The following FRAS1 variants were observed in gnomAD, a reference collection of about 807,000 sequenced individuals.
The protein encoded by FRAS1 is extracellular matrix organizing protein FRAS1.
FRAS1 carries 290 observed loss-of-function variants against 435.2 expected under a neutral mutation model. That is an observed-to-expected ratio of 0.67 (90% CI 0.61 to 0.73). FRAS1 has a LOEUF of 0.73. Ranked by LOEUF, FRAS1 falls within the 30% of genes least tolerant of loss-of-function variation. The pLI is 0.00. For synonymous variants in FRAS1, 1,800 were observed against 1,851.0 expected, an observed-to-expected ratio of 0.97 and a Z score of 0.71; for missense variants, 4,860 against 5,001.5, an observed-to-expected ratio of 0.97 and a Z score of 0.85.
In FRAS1 at chr4:78,273,348, A is replaced by G. The variant is rs555452119; in HGVS notation, c.982-5307A>G. ...TGCCCTGGTCAGAACTTCCAACACT[A>G]TGTTGAATAGGAGTGGTGAGAGAGG... is the stretch of plus-strand genomic sequence containing the variant. On this transcript the variant is annotated intron_variant, in intron 9 of 73. Transcript: ENST00000512123. 2.6e-5 allele frequency among the ~76,000 whole-genome samples: 4 copies of G among 152,242 alleles called. No individual in the cohort carries two copies. The East Asian group carries it at 7.7e-4, about 29-fold the overall frequency.
intron 2 of FRAS1, among the ~76,000 whole-genome samples, chr4:78,177,463 G>A (rs1721823970): frequency 6.6e-6 from 1 of 152,192 alleles, no homozygotes; most frequent in African/African-American, 2.4e-5. Flanking sequence ...GCTGAGACAA[G>A]TGGTTGGGGA....
At position 78,147,916 on chromosome 4, in the gene FRAS1, T is replaced by C. The variant is rs564731046; in HGVS notation, c.108+81900T>C. ...TGTGATGCTTTCTGGGTTGTGAGTT[T>C]CTGGAAAACTTAAATCAAATTGCTT... is the stretch of plus-strand genomic sequence containing the variant. On this transcript the variant is annotated intron_variant, in intron 2 of 73. Transcript: ENST00000512123. 7.9e-5 allele frequency among the ~76,000 whole-genome samples: 12 copies of C among 152,334 alleles called. No homozygotes were observed. In the East Asian group the frequency reaches 1.2e-3, roughly 15 times the overall value.
At chr4:78,258,078 T>C (rs1725871584) in intron 6 of FRAS1, among the ~76,000 whole-genome samples, 1 of 152,198 alleles carries the variant, frequency 6.6e-6, no homozygotes, top group African/African-American at 2.4e-5. Flanking sequence ...TGGTGGTTCA[T>C]GCTTGTGATC....
At chr4:78,303,416 G>T (rs566258894) in intron 14 of FRAS1, among the ~76,000 whole-genome samples, 21 of 152,220 alleles carry the variant, frequency 1.4e-4, no homozygotes, top group Non-Finnish European at 3.1e-4. Context: ...TAGCTTGATG[G>T]GGATGGCATT....
intron 70 of FRAS1, among the ~76,000 whole-genome samples, chr4:78,531,375 C>A (rs978951876): frequency 6.6e-6 from 1 of 152,044 alleles, no homozygotes; most frequent in Non-Finnish European, 1.5e-5. Flanking sequence ...TCCAATACTA[C>A]GTTGAATAGG....
chr4:78,092,705 G>T (rs1741593406), intron 2 of FRAS1, among the ~76,000 whole-genome samples: 1 of 152,156 alleles, frequency 6.6e-6, no homozygotes, highest in African/African-American at 2.4e-5. Flanking sequence ...GCTTTTCCGT[G>T]GTCCTAGGGA....
chr4:78,512,634 A>G (rs1412127343), intron 64 of FRAS1, among the ~76,000 whole-genome samples: 1 of 152,266 alleles, frequency 6.6e-6, no homozygotes, highest in African/African-American at 2.4e-5. Flanking sequence ...AGTGAAGGAA[A>G]TATTCCTTGT....
chr4:78,313,433 G>C (rs2061063), intron 15 of FRAS1, among the ~76,000 whole-genome samples: 38,654 of 151,204 alleles, frequency 0.26, 5,507 homozygotes, highest in Non-Finnish European at 0.35. Context: ...GGGTGTAGAT[G>C]GATTAAGGGA....
intron 20 of FRAS1, among the ~76,000 whole-genome samples, chr4:78,362,297 G>T (rs966627911): frequency 6.6e-6 from 1 of 152,316 alleles, no homozygotes; most frequent in African/African-American, 2.4e-5. Context: ...ACTCTGGAAG[G>T]CCAAATCTGT....
At chr4:78,371,822 G>A (rs55666845) in intron 23 of FRAS1, among the ~76,000 whole-genome samples, 25,196 of 152,078 alleles carry the variant, frequency 0.17, 2,666 homozygotes, top group East Asian at 0.33. Flanking sequence ...AAAAACAACA[G>A]CAACAGCAAC....
chr4:78,096,829 A>G (rs1470394998), intron 2 of FRAS1, among the ~76,000 whole-genome samples: 3 of 152,206 alleles, frequency 2.0e-5, no homozygotes, highest in African/African-American at 4.8e-5. Flanking sequence ...AAGACCTCTG[A>G]TACGCCCTGG....
At chr4:78,158,697 C>T (rs991122577) in intron 2 of FRAS1, among the ~76,000 whole-genome samples, 1 of 152,118 alleles carries the variant, frequency 6.6e-6, no homozygotes, top group Admixed American at 6.5e-5. Context: ...CAATAAATAG[C>T]CTCCAAGCAA....
Position 78,363,995 on chromosome 4 carries a change from G to A in FRAS1, c.2663G>A (p.Gly888Asp). 6.2e-7 allele frequency: 1 copy of A among 1,609,016 alleles called. No individual in the cohort carries two copies. Among genetic ancestry groups the A allele is most frequent in the Non-Finnish European group, 8.5e-7 (1 of 1,177,532 alleles). The change falls in exon 22 of 74, where the codon GGC becomes GAC. Residue 888 changes from glycine to aspartate, a missense_variant. Physicochemically the swap from Gly to Asp is moderately conservative, Grantham distance 94 (BLOSUM62 -1). Transcript: ENST00000512123. ...ACCAACCTCGTGCTGTCCCACACTG[G>A]CACCTGCAGCACCACCTGCTTCCCT... ...CDTNLVLSHT[G>D]TCSTTCFPGH... is the part of the protein sequence containing the mutation.
intron 2 of FRAS1, among the ~76,000 whole-genome samples, chr4:78,125,165 TC>T: frequency 6.6e-6 from 1 of 152,218 alleles, no homozygotes; most frequent in Non-Finnish European, 1.5e-5. Flanking sequence ...TTTAAATGTG[TC>T]CTAGTGATTT....
At chr4:78,308,268 G>C in intron 15 of FRAS1, 59 bp downstream of exon 15, 9 of 1,555,582 alleles carry the variant, frequency 5.8e-6, no homozygotes, top group Non-Finnish European at 7.9e-6. Context: ...AGCATCTCTT[G>C]TTGTATTCAA....
intron 26 of FRAS1, among the ~76,000 whole-genome samples, chr4:78,377,157 A>G (rs1443987074): frequency 6.6e-6 from 1 of 152,132 alleles, no homozygotes; most frequent in African/African-American, 2.4e-5. Context: ...GAGGGACATT[A>G]CTCTGAGTGT....
intron 2 of FRAS1, among the ~76,000 whole-genome samples, chr4:78,112,853 T>C (rs1742831114): frequency 1.3e-5 from 2 of 152,110 alleles, no homozygotes; most frequent in Admixed American, 1.3e-4. Context: ...ATACTTTAAG[T>C]TTTAGGGTAC....
chr4:78,466,153 C>T (rs1413633844), intron 49 of FRAS1, 55 bp from the exon 50 acceptor site: 1 of 1,475,580 alleles, frequency 6.8e-7, no homozygotes, highest in Admixed American at 1.7e-5. Context: ...ATCACTCACT[C>T]TTTTGGTTTC....
intron 47 of FRAS1, among the ~76,000 whole-genome samples, chr4:78,454,019 T>C (rs535113517): frequency 6.6e-6 from 1 of 152,196 alleles, no homozygotes; most frequent in East Asian, 1.9e-4. Context: ...CAAGCACGTA[T>C]ATGCTGTGTC....
Sources: allele counts gnomAD v4.1 joint callset (sites outside exome capture counted in the v4.1 genomes callset), GRCh38; gene constraint gnomAD v4.1.1; transcripts MANE v1.5; gene names NCBI Gene and HGNC (gene_info 2026-07-23, HGNC 2026-07-21).